The following SLC4A10 variants were observed in gnomAD, a reference collection of about 807,000 sequenced individuals.
The protein encoded by SLC4A10 is solute carrier family 4 member 10, also known as sodium-driven chloride bicarbonate exchanger.
Under a neutral mutation model 137.7 loss-of-function variants are expected in SLC4A10, and 42 were observed. The observed-to-expected ratio is 0.30, with a 90% CI of 0.24 to 0.39. The LOEUF is 0.39. Among genes scored for constraint, SLC4A10 ranks in the 10% least tolerant of loss-of-function variants. The pLI is 1.00. For missense variants in SLC4A10, 925 were observed against 1,355.0 expected (o/e 0.68, Z 4.98); for synonymous variants, 474 against 464.1 (o/e 1.02, Z -0.27).
chr2:161,757,616 ATAAG>A (rs772581003), intron 1 of SLC4A10, among the ~76,000 whole-genome samples: 66 of 152,280 alleles, frequency 4.3e-4, no homozygotes, highest in Non-Finnish European at 4.6e-4. Context: ...ACGTGGCTAA[ATAAG>A]TAAGTGTCAG....
chr2:161,932,014 T>A (rs1339820657), intron 15 of SLC4A10, among the ~76,000 whole-genome samples: 1 of 152,196 alleles, frequency 6.6e-6, no homozygotes, highest in Non-Finnish European at 1.5e-5. Context: ...CCCTATTTTG[T>A]GTTTTAGTTT....
At chr2:161,934,231 T>C (rs191255508) in intron 15 of SLC4A10, among the ~76,000 whole-genome samples, 2 of 152,282 alleles carry the variant, frequency 1.3e-5, no homozygotes, top group East Asian at 3.9e-4. Context: ...AGTCACCCTG[T>C]TGTGTTATCA....
intron 1 of SLC4A10, among the ~76,000 whole-genome samples, chr2:161,754,994 C>G (rs965521804): frequency 6.6e-6 from 1 of 152,074 alleles, no homozygotes; most frequent in Non-Finnish European, 1.5e-5. Flanking sequence ...AACCTAGACA[C>G]CAAAATAATA....
intron 3 of SLC4A10, among the ~76,000 whole-genome samples, chr2:161,807,127 T>C (rs2056064618): frequency 6.6e-6 from 1 of 152,014 alleles, no homozygotes. Context: ...ATGGACTTAC[T>C]CACTATCATG....
At chr2:161,743,639 A>G (rs963297077) in intron 1 of SLC4A10, among the ~76,000 whole-genome samples, 18 of 151,882 alleles carry the variant, frequency 1.2e-4, no homozygotes, top group Admixed American at 6.6e-5. Context: ...GGTTCCATAT[A>G]CATTTTTGGA....
At chr2:161,700,391 A>G (rs2043000207) in intron 1 of SLC4A10, among the ~76,000 whole-genome samples, 2 of 152,130 alleles carry the variant, frequency 1.3e-5, no homozygotes, top group South Asian at 4.1e-4. Context: ...AAATGTTTCC[A>G]ATGTTGAAAA....
chr2:161,769,582 C>T (rs2125410868), intron 1 of SLC4A10, among the ~76,000 whole-genome samples: 1 of 151,958 alleles, frequency 6.6e-6, no homozygotes, highest in East Asian at 1.9e-4. Flanking sequence ...CTTATATGTT[C>T]CCCTCAGAAG....
intron 1 of SLC4A10, among the ~76,000 whole-genome samples, chr2:161,718,829 A>C (rs2045268932): frequency 2.0e-5 from 3 of 152,134 alleles, no homozygotes; most frequent in Admixed American, 2.0e-4. Flanking sequence ...TGCAGAGCTG[A>C]CTTCAAGTCC....
At chr2:161,747,283 C>T (rs777548413) in intron 1 of SLC4A10, among the ~76,000 whole-genome samples, 2 of 152,168 alleles carry the variant, frequency 1.3e-5, no homozygotes, top group East Asian at 3.9e-4. Flanking sequence ...TCTAAATGTT[C>T]TCTCTGTGGG....
At chr2:161,850,158 G>A (rs2059745522) in intron 4 of SLC4A10, among the ~76,000 whole-genome samples, 1 of 152,258 alleles carries the variant, frequency 6.6e-6, no homozygotes, top group Non-Finnish European at 1.5e-5. Flanking sequence ...GGGAGGTTGA[G>A]GTGGGTGGAT....
rs1308463098 is a variant in SLC4A10 at position 161,871,477 on chromosome 2, A to T, written c.767-816A>T. ...ACAAATTTCATATGACTTACTGCAA[A>T]CAATGTTTCATATTTAGTGAATGAT... On this transcript the variant is annotated intron_variant, in intron 6 of 26. Transcript: ENST00000446997. Among the ~76,000 whole-genome samples, 11 of 151,992 alleles carry T rather than the reference A, an allele frequency of 7.2e-5. 1 individual carries two copies. The highest frequency in any genetic ancestry group is 2.2e-4 in the African/African-American group (9 of 41,428).
chr2:161,976,251 A>T (rs991822302), intron 24 of SLC4A10, among the ~76,000 whole-genome samples: 1 of 152,236 alleles, frequency 6.6e-6, no homozygotes, highest in Non-Finnish European at 1.5e-5. Context: ...GGGCATACAC[A>T]TACAATGGAA....
At chr2:161,843,343 C>A (rs1205859387) in intron 4 of SLC4A10, among the ~76,000 whole-genome samples, 1 of 152,122 alleles carries the variant, frequency 6.6e-6, no homozygotes, top group Non-Finnish European at 1.5e-5. Flanking sequence ...CCTAAACCAT[C>A]AAAATATATT....
At chr2:161,798,165 A>G (rs762308263) in intron 2 of SLC4A10, among the ~76,000 whole-genome samples, 1 of 151,920 alleles carries the variant, frequency 6.6e-6, no homozygotes, top group Non-Finnish European at 1.5e-5. Flanking sequence ...ATGTATTATG[A>G]TCAATGATGA....
chr2:161,733,030 T>A (rs1224902679), intron 1 of SLC4A10, among the ~76,000 whole-genome samples: 2 of 152,134 alleles, frequency 1.3e-5, no homozygotes, highest in African/African-American at 4.8e-5. Flanking sequence ...CATTCAGTTT[T>A]AAAAGGGAAA....
intron 17 of SLC4A10, among the ~76,000 whole-genome samples, chr2:161,948,168 G>A (rs1913808): frequency 0.33 from 49,757 of 151,834 alleles, 8,408 homozygotes; most frequent in East Asian, 0.59. Context: ...CACCACGTTT[G>A]CATCTGCATA....
intron 25 of SLC4A10, chr2:161,977,430 A>G (rs1699559138): frequency 2.0e-6 from 1 of 494,606 alleles, no homozygotes; most frequent in Admixed American, 2.8e-5. Flanking sequence ...GTAGTTGTGG[A>G]TGGTAGTTTT....
chr2:161,879,290 T>TA lies in SLC4A10; in HGVS notation c.1106+7dup, dbSNP rs2061613044. The TA allele has an allele frequency of 6.2e-7, 1 of 1,605,398 alleles. No individual in the cohort carries two copies. Among genetic ancestry groups the TA allele is most frequent in the Non-Finnish European group, 8.5e-7 (1 of 1,175,308 alleles). On this transcript the variant is annotated splice_region_variant and intron_variant, in intron 9 of 26. Coordinates refer to ENST00000446997, the MANE Select transcript of SLC4A10 (RefSeq NM_001178015.2). ...GGCTGAAGTCCCAATCCCAACCAGG[T>TA]AAAAAGTATAAAAGCGTCTTTTGTA...
At chr2:161,742,571 G>A (rs2048019429) in intron 1 of SLC4A10, among the ~76,000 whole-genome samples, 1 of 151,384 alleles carries the variant, frequency 6.6e-6, no homozygotes, top group Non-Finnish European at 1.5e-5. Context: ...CTCCTGGGTA[G>A]CTGAGGTTAC....
Sources: allele counts gnomAD v4.1 joint callset (sites outside exome capture counted in the v4.1 genomes callset), GRCh38; gene constraint gnomAD v4.1.1; transcripts MANE v1.5; gene names NCBI Gene and HGNC (gene_info 2026-07-23, HGNC 2026-07-21).